The following TUT4 variants were observed in gnomAD, a reference collection of about 807,000 sequenced individuals.
TUT4 encodes the protein terminal uridylyltransferase 4.
A neutral mutation model predicts 192.2 loss-of-function variants in TUT4; 36 were observed. That is an observed-to-expected ratio of 0.19 (90% CI 0.14 to 0.25). The LOEUF is 0.25. TUT4 is among the 10% of genes least tolerant of loss of function. The pLI is 1.00. For synonymous variants in TUT4, 618 were observed against 666.0 expected (o/e 0.93, Z 1.11); for missense variants, 1,493 against 1,957.2 (o/e 0.76, Z 4.47).
chr1:52,445,375 A>G (rs1318854910), intron 24 of TUT4, among the ~76,000 whole-genome samples: 6 of 152,350 alleles, frequency 3.9e-5, no homozygotes, highest in African/African-American at 1.4e-4. Flanking sequence ...TTCTATGTGT[A>G]TATTTTCATC....
chr1:52,527,048 C>CA (rs1681983291), intron 1 of TUT4, among the ~76,000 whole-genome samples: 1 of 152,016 alleles, frequency 6.6e-6, no homozygotes, highest in Non-Finnish European at 1.5e-5. Flanking sequence ...GAATCCCAAT[C>CA]TTTATGTGCT....
chr1:52,495,637 T>A, intron 5 of TUT4, 122 bp from the exon 6 acceptor site: 1 of 601,808 alleles, frequency 1.7e-6, no homozygotes, highest in Non-Finnish European at 2.8e-6. Context: ...GTAAGACAAT[T>A]ATACAAGAAG....
Position 52,475,251 on chromosome 1 carries a change from C to T in TUT4, c.2308G>A (p.Asp770Asn), listed in dbSNP as rs1416698872. 5 of 1,613,976 alleles carry T rather than the reference C, an allele frequency of 3.1e-6. No homozygotes were observed. The highest frequency in any genetic ancestry group is 4.2e-6 in the Non-Finnish European group (5 of 1,180,022). Reference protein sequence around the residue: ...REQPVQCDEMDCTSQRCIIDN... With the variant: ...REQPVQCDEMNCTSQRCIIDN... ...ATAATACATCTCTGTGATGTACAGT[C>T]CATTTCATCACATTGAACAGGTTGC... Residue 770 changes from aspartate (D) to asparagine (N), a missense_variant, in exon 13 of 30, where the codon GAC becomes AAC. Asp to Asn is a conservative substitution (Grantham distance 23). Transcript: ENST00000257177.
At position 52,474,892 on chromosome 1, in the gene TUT4, A is replaced by G. The variant is rs1666700308; in HGVS notation, c.2667T>C (p.Asp889=). 1 of 1,613,854 alleles carries G rather than the reference A, an allele frequency of 6.2e-7. No individual in the cohort carries two copies. The highest frequency in any genetic ancestry group is 8.5e-7 in the Non-Finnish European group (1 of 1,179,986). ...TEDASDLNDD[D]NLPTQELYYV... ...AATATAATTCCTGGGTGGGGAGGTT[A>G]TCATCATCATTAAGGTCAGAAGCAT... Residue 889 remains aspartate, a synonymous_variant, in exon 13 of 30, where the codon GAT becomes GAC. Transcript: ENST00000257177.
intron 24 of TUT4, among the ~76,000 whole-genome samples, chr1:52,440,433 GTTTTTTT>G (rs908687717): frequency 3.6e-5 from 4 of 110,186 alleles, no homozygotes; most frequent in African/African-American, 9.5e-5. Flanking sequence ...CCCATCCTGT[GTTTTTTT>G]TTTTTTTTTT....
intron 1 of TUT4, among the ~76,000 whole-genome samples, chr1:52,531,783 CTCT>C (rs1228586153): frequency 6.6e-6 from 1 of 151,850 alleles, no homozygotes; most frequent in Non-Finnish European, 1.5e-5. Context: ...ATAAGTATGC[CTCT>C]TCTTAATGAA....
intron 27 of TUT4, chr1:52,432,828 G>GGA (rs1479321969): frequency 6.6e-6 from 1 of 152,248 alleles, no homozygotes; most frequent in Non-Finnish European, 1.5e-5. Flanking sequence ...GGCTGACATG[G>GGA]GAGAATCACC....
At chr1:52,549,798 A>G (rs1314432832) in intron 1 of TUT4, among the ~76,000 whole-genome samples, 1 of 142,496 alleles carries the variant, frequency 7.0e-6, no homozygotes, top group Non-Finnish European at 1.6e-5. Context: ...TGAACGAGTG[A>G]AAAAAAAATG....
At chr1:52,425,147 T>A (rs916801235) in intron 29 of TUT4, 1 of 477,880 alleles carries the variant, frequency 2.1e-6, no homozygotes, top group African/African-American at 2.0e-5. Flanking sequence ...TTAACATGTC[T>A]GGCTTTCCTA....
chr1:52,541,106 T>A (rs1441049738), intron 1 of TUT4, among the ~76,000 whole-genome samples: 2 of 150,952 alleles, frequency 1.3e-5, no homozygotes, highest in Non-Finnish European at 2.9e-5. Context: ...CTAGGGTGAC[T>A]GAGGCACAAG....
Position 52,481,830 on chromosome 1 carries a change from G to C in TUT4, c.1609C>G (p.Leu537Val). 2 of 1,595,232 alleles carry C rather than the reference G, an allele frequency of 1.3e-6. No homozygotes were observed. The highest frequency in any genetic ancestry group is 1.7e-6 in the Non-Finnish European group (2 of 1,175,152). Residue 537 changes from leucine to valine, a missense_variant, in exon 10 of 30, where the codon CTT becomes GTT. By Grantham distance (32) the Leu-to-Val change is conservative (BLOSUM62 1). Coordinates refer to ENST00000257177, the MANE Select transcript of TUT4 (RefSeq NM_001009881.3). The part of the protein sequence containing the change: ...MFFLQQRKPP[L>V]LPCLLGSWIE... ...CAACTTCCAAGTAAGCAAGGAAGAA[G>C]AGGGGGTTTTCTCTGTTGTAGAAAA... is the stretch of plus-strand genomic sequence containing the variant.
chr1:52,426,454 AT>A (rs1188457033), intron 28 of TUT4, among the ~76,000 whole-genome samples: 1 of 152,152 alleles, frequency 6.6e-6, no homozygotes, highest in Non-Finnish European at 1.5e-5. Context: ...GGCTTTTCTC[AT>A]TCAGAGTCAC....
At chr1:52,521,475 G>T (rs1329705679) in intron 2 of TUT4, among the ~76,000 whole-genome samples, 1 of 150,478 alleles carries the variant, frequency 6.6e-6, no homozygotes, top group Non-Finnish European at 1.5e-5. Context: ...GACCAGCCTG[G>T]CTAACATGGT....
chr1:52,446,970 G>C (rs1373599340), intron 20 of TUT4, among the ~76,000 whole-genome samples: 1 of 151,948 alleles, frequency 6.6e-6, no homozygotes, highest in African/African-American at 2.4e-5. Context: ...ACTTAAAAAA[G>C]AAACAGCAGT....
At chr1:52,491,213 T>C (rs1671062755) in intron 7 of TUT4, among the ~76,000 whole-genome samples, 1 of 152,174 alleles carries the variant, frequency 6.6e-6, no homozygotes, top group Non-Finnish European at 1.5e-5. Context: ...GTTTAGTTCT[T>C]TTAAATTACC....
At chr1:52,479,664 G>A (rs1484716755) in intron 11 of TUT4, among the ~76,000 whole-genome samples, 1 of 152,130 alleles carries the variant, frequency 6.6e-6, no homozygotes, top group African/African-American at 2.4e-5. Context: ...TTTGAGGGGA[G>A]GATCAGGAAT....
At chr1:52,517,401 A>C (rs74772152) in intron 2 of TUT4, among the ~76,000 whole-genome samples, 1 of 152,208 alleles carries the variant, frequency 6.6e-6, no homozygotes, top group Non-Finnish European at 1.5e-5. Context: ...ATCATCAACA[A>C]ATCTCTCCAT....
intron 20 of TUT4, 78 bp from the exon 21 acceptor site, chr1:52,446,745 G>T: frequency 9.8e-7 from 1 of 1,020,272 alleles, no homozygotes; most frequent in South Asian, 1.6e-5. Flanking sequence ...TACCATTTTA[G>T]AATTTACCTA....
At chr1:52,546,202 G>T (rs1432697300) in intron 1 of TUT4, among the ~76,000 whole-genome samples, 6 of 152,016 alleles carry the variant, frequency 3.9e-5, no homozygotes, top group Non-Finnish European at 8.8e-5. Context: ...TCACTTCTGG[G>T]TATATACCAA....
Sources: allele counts gnomAD v4.1 joint callset (sites outside exome capture counted in the v4.1 genomes callset), GRCh38; gene constraint gnomAD v4.1.1; transcripts MANE v1.5; gene names NCBI Gene and HGNC (gene_info 2026-07-23, HGNC 2026-07-21).